The following FAM135B variants were observed in gnomAD, a reference collection of about 807,000 sequenced individuals.
FAM135B encodes the protein protein FAM135B.
In FAM135B, 43 loss-of-function variants were observed where a neutral mutation model predicts 127.7. The ratio of observed to expected loss-of-function variants is 0.34; its 90% CI spans 0.26 to 0.43. FAM135B has a LOEUF of 0.43. Ranked by LOEUF, FAM135B falls within the 20% of genes least tolerant of loss-of-function variation. The pLI is 1.00. For synonymous variants in FAM135B, 670 were observed against 665.1 expected, an observed-to-expected ratio of 1.01 and a Z score of -0.11; for missense variants, 1,558 against 1,725.6, an observed-to-expected ratio of 0.90 and a Z score of 1.72.
In FAM135B at chr8:138,413,663, C is replaced by T. The variant is rs575861396; in HGVS notation, c.-19-45661G>A. ...CTAAAACCAATTTTCCCTTGAATGT[C>T]GTGCTGACAATTTCAACATAAATCT... On this transcript the variant is annotated intron_variant, in intron 1 of 19. Coordinates refer to ENST00000395297, the MANE Select transcript of FAM135B (RefSeq NM_015912.4). 6.6e-5 allele frequency among the ~76,000 whole-genome samples: 10 copies of T among 152,280 alleles called. 1 individual carries two copies. In the South Asian group the frequency reaches 1.7e-3, roughly 25 times the overall value.
intron 2 of FAM135B, among the ~76,000 whole-genome samples, chr8:138,364,987 C>T (rs1405110166): frequency 6.6e-6 from 1 of 152,026 alleles, no homozygotes; most frequent in African/African-American, 2.4e-5. Context: ...GCTGAAATTA[C>T]AAGTGCCCGC....
chr8:138,200,060 A>G (rs569985203), intron 7 of FAM135B, among the ~76,000 whole-genome samples: 3 of 152,298 alleles, frequency 2.0e-5, no homozygotes, highest in Admixed American at 1.3e-4. Flanking sequence ...GTGAGGAATG[A>G]ATGGCTCAGG....
intron 1 of FAM135B, among the ~76,000 whole-genome samples, chr8:138,414,656 T>C (rs996581705): frequency 5.5e-5 from 7 of 127,584 alleles, no homozygotes; most frequent in African/African-American, 2.1e-4. Context: ...AACTGATTAA[T>C]TTTTTTCCCC....
At chr8:138,366,739 C>A (rs571032513) in intron 2 of FAM135B, among the ~76,000 whole-genome samples, 127 of 152,258 alleles carry the variant, frequency 8.3e-4, no homozygotes, top group African/African-American at 2.9e-3. Flanking sequence ...GGAGTCTAAT[C>A]TTGGAGGTAG....
At chr8:138,408,526 G>A (rs1046313968) in intron 1 of FAM135B, among the ~76,000 whole-genome samples, 12 of 152,014 alleles carry the variant, frequency 7.9e-5, no homozygotes, top group African/African-American at 2.2e-4. Context: ...TCTACTTAAG[G>A]GAATTTTTTA....
upstream of FAM135B, among the ~76,000 whole-genome samples, chr8:138,497,477 C>G (rs953052380): frequency 6.6e-6 from 1 of 152,140 alleles, no homozygotes; most frequent in Non-Finnish European, 1.5e-5. Flanking sequence ...AGCCAAGACC[C>G]CAGGCCTCGG....
chr8:138,248,747 T>C (rs1038689924), intron 6 of FAM135B, among the ~76,000 whole-genome samples: 1 of 149,232 alleles, frequency 6.7e-6, no homozygotes, highest in African/African-American at 2.5e-5. Flanking sequence ...TTGAGCCCAG[T>C]TGGCAGAGGT....
At chr8:138,460,104 T>A (rs1107014) in intron 1 of FAM135B, among the ~76,000 whole-genome samples, 70,017 of 152,120 alleles carry the variant, frequency 0.46, 17,719 homozygotes, top group East Asian at 0.84. Context: ...TTAAGCCCTT[T>A]CTTTGGGTGA....
At chr8:138,451,162 C>T (rs1240009510) in intron 1 of FAM135B, among the ~76,000 whole-genome samples, 1 of 152,146 alleles carries the variant, frequency 6.6e-6, no homozygotes, top group African/African-American at 2.4e-5. Flanking sequence ...TGCCCCTTAG[C>T]CTCAGGGGTC....
intron 1 of FAM135B, chr8:138,459,281 T>C (rs1490640901): frequency 6.6e-6 from 1 of 152,144 alleles, no homozygotes; most frequent in East Asian, 1.9e-4. Context: ...GAACCACTTT[T>C]CACAATTGCC....
At chr8:138,179,633 T>C (rs527745784) in intron 9 of FAM135B, among the ~76,000 whole-genome samples, 10 of 152,314 alleles carry the variant, frequency 6.6e-5, no homozygotes, top group African/African-American at 2.4e-4. Flanking sequence ...CTGAGGCAAT[T>C]CATGCACGAT....
chr8:138,206,285 G>T (rs62530917), intron 7 of FAM135B, among the ~76,000 whole-genome samples: 19 of 12,528 alleles, frequency 1.5e-3, no homozygotes, highest in South Asian at 4.9e-3. Flanking sequence ...CTCCACCTAC[G>T]CACAGCTCTA....
rs570554035 is a variant in FAM135B, at chr8:138,159,141, G to A, written c.1259-5925C>T. Reference sequence around the variant, plus strand: ...CAAAAAATTAGCCGGGCGCGGTGGCGGGTGCCTGTAGTCCCAGCTACTCGG... The same window carrying A: ...CAAAAAATTAGCCGGGCGCGGTGGCAGGTGCCTGTAGTCCCAGCTACTCGG... On this transcript the variant is annotated intron_variant, in intron 12 of 19. Coordinates refer to ENST00000395297, the MANE Select transcript of FAM135B (RefSeq NM_015912.4). 5.4e-4 allele frequency among the ~76,000 whole-genome samples: 80 copies of A among 148,248 alleles called. 1 individual carries two copies. Among genetic ancestry groups the A allele is most frequent in the East Asian group, 2.2e-3 (11 of 5,020 alleles).
intron 12 of FAM135B, among the ~76,000 whole-genome samples, chr8:138,166,560 T>A (rs76968630): frequency 6.6e-6 from 1 of 152,200 alleles, no homozygotes; most frequent in Non-Finnish European, 1.5e-5. Context: ...ATTAAAAGGA[T>A]GTATAACAGA....
At chr8:138,481,495 A>G (rs1178478894) in intron 1 of FAM135B, among the ~76,000 whole-genome samples, 1 of 152,216 alleles carries the variant, frequency 6.6e-6, no homozygotes, top group Non-Finnish European at 1.5e-5. Context: ...GTCTGAGCTA[A>G]CGCCAGTGGA....
At chr8:138,411,805 C>T (rs1833886072) in intron 1 of FAM135B, among the ~76,000 whole-genome samples, 1 of 152,132 alleles carries the variant, frequency 6.6e-6, no homozygotes, top group Non-Finnish European at 1.5e-5. Context: ...ATAACAAAGA[C>T]ATAGAGTCAT....
intron 11 of FAM135B, among the ~76,000 whole-genome samples, chr8:138,173,272 A>G (rs985542378): frequency 1.2e-4 from 18 of 152,190 alleles, no homozygotes; most frequent in Non-Finnish European, 2.9e-5. Context: ...CCAGGAATAC[A>G]GAGCGAAAGC....
At chr8:138,275,681 C>A (rs1386515217) in intron 3 of FAM135B, among the ~76,000 whole-genome samples, 1 of 151,660 alleles carries the variant, frequency 6.6e-6, no homozygotes, top group South Asian at 2.1e-4. Flanking sequence ...GGTGACAGAA[C>A]GAGAGTTTGT....
At chr8:138,244,553 C>A (rs1821135362) in intron 6 of FAM135B, among the ~76,000 whole-genome samples, 1 of 152,282 alleles carries the variant, frequency 6.6e-6, no homozygotes, top group African/African-American at 2.4e-5. Flanking sequence ...AGGCTTCCAT[C>A]AATGCTAGGA....
Sources: gnomAD v4.1 joint callset for allele counts (sites outside exome capture counted in the v4.1 genomes callset) on GRCh38, gnomAD v4.1.1 for gene constraint, MANE v1.5 for transcripts, NCBI Gene and HGNC (gene_info 2026-07-23, HGNC 2026-07-21) for gene names.